BID: variants seen among roughly 807,000 people sequenced by gnomAD.
The protein encoded by BID is BH3-interacting domain death agonist.
Under a neutral mutation model 17.4 loss-of-function variants are expected in BID, and 19 were observed. The observed-to-expected ratio is 1.09, with a 90% CI of 0.76 to 1.60. The LOEUF (loss-of-function observed/expected upper bound fraction) is 1.60, where lower values mean the gene tolerates loss of function less well. Among genes scored for constraint, BID ranks in the 40% most tolerant of loss-of-function variants. The pLI, the probability that BID is intolerant of heterozygous loss-of-function variation, is 0.00. For synonymous variants in BID, 108 were observed against 102.8 expected, an observed-to-expected ratio of 1.05 and a Z score of -0.31; for missense variants, 226 against 256.0, an observed-to-expected ratio of 0.88 and a Z score of 0.80.
At chr22:17,753,051 C>G (rs2145896041) in intron 1 of BID, among the ~76,000 whole-genome samples, 1 of 146,266 alleles carries the variant, frequency 6.8e-6, no homozygotes, top group South Asian at 2.2e-4. Context: ...ACTGCAAGCT[C>G]CGCCTCCCGG....
Position 17,735,465 on chromosome 22 carries a change from A to G in BID, c.*115T>C. The G allele has an allele frequency of 8.1e-7, 1 of 1,227,502 alleles. No individual in the cohort carries two copies. Among genetic ancestry groups the G allele is most frequent in the Non-Finnish European group, 1.2e-6 (1 of 841,730 alleles). 76.0% of individuals were successfully genotyped at this position (1,227,502 alleles called of 1,614,324 possible). Reference sequence around the variant, plus strand: ...AAAATAGAAGTCACAGCTATCTTCCAGCCTGTCTTCTCTAGGAACGCTGTT... The same window carrying G: ...AAAATAGAAGTCACAGCTATCTTCCGGCCTGTCTTCTCTAGGAACGCTGTT... On this transcript the variant is annotated 3_prime_UTR_variant, in exon 6 of 6. Coordinates refer to ENST00000622694, the MANE Select transcript of BID (RefSeq NM_001196.4).
intron 1 of BID, 54 bp from the exon 2 acceptor site, chr22:17,750,228 C>T (rs745760089): frequency 7.1e-5 from 107 of 1,516,250 alleles, no homozygotes; most frequent in Non-Finnish European, 9.4e-5. Context: ...CTGGTCAGGA[C>T]CCCTCGGGAG....
chr22:17,735,458 A>G lies in BID; in HGVS notation c.*122T>C, dbSNP rs186394629. 149 of 1,110,874 alleles carry G rather than the reference A, an allele frequency of 1.3e-4. No individual in the cohort carries two copies. Among genetic ancestry groups the G allele is most frequent in the Middle Eastern group, 4.0e-4 (2 of 5,034 alleles). 68.8% of individuals were successfully genotyped at this position (1,110,874 alleles called of 1,614,324 possible). A position where few individuals can be genotyped will look rare whatever the true frequency, so the allele number is the denominator to read the frequency against. ...TGTCTTTAAAATAGAAGTCACAGCT[A>G]TCTTCCAGCCTGTCTTCTCTAGGAA... On this transcript the variant is annotated 3_prime_UTR_variant, in exon 6 of 6. Transcript: ENST00000622694.
intron 1 of BID, among the ~76,000 whole-genome samples, chr22:17,758,692 G>A (rs556777477): frequency 2.0e-5 from 3 of 152,326 alleles, no homozygotes; most frequent in East Asian, 3.9e-4. Context: ...GGGGTGCCCA[G>A]AGTAGTCAAC....
intron 1 of BID, among the ~76,000 whole-genome samples, chr22:17,761,137 GTGAA>G (rs1260623516): frequency 6.6e-6 from 1 of 152,110 alleles, no homozygotes; most frequent in Non-Finnish European, 1.5e-5. Context: ...TTTTTATAAG[GTGAA>G]TGATCAAATC....
intron 1 of BID, among the ~76,000 whole-genome samples, chr22:17,751,885 C>T (rs2061542692): frequency 6.6e-6 from 1 of 152,206 alleles, no homozygotes; most frequent in African/African-American, 2.4e-5. Flanking sequence ...GGGGAGTCTG[C>T]ACCCACAAGA....
intron 1 of BID, among the ~76,000 whole-genome samples, chr22:17,754,536 GC>G (rs1362309771): frequency 2.0e-5 from 3 of 152,262 alleles, no homozygotes; most frequent in African/African-American, 7.2e-5. Flanking sequence ...CACTCTGGAA[GC>G]CAAATGTCCT....
At chr22:17,748,007 G>A (rs1422640911) in intron 2 of BID, among the ~76,000 whole-genome samples, 2 of 151,788 alleles carry the variant, frequency 1.3e-5, no homozygotes, top group Non-Finnish European at 2.9e-5. Context: ...TCAGGAGATC[G>A]AGACCATCCT....
chr22:17,757,308 G>C (rs1171042843), intron 1 of BID, among the ~76,000 whole-genome samples: 1 of 150,112 alleles, frequency 6.7e-6, no homozygotes, highest in Non-Finnish European at 1.5e-5. Context: ...CCAGCTACTG[G>C]GGAAGGATTG....
chr22:17,761,681 G>A (rs1184921092), intron 1 of BID, among the ~76,000 whole-genome samples: 1 of 152,076 alleles, frequency 6.6e-6, no homozygotes, highest in Non-Finnish European at 1.5e-5. Flanking sequence ...TGATCCACCC[G>A]CCTCGGCCTC....
intron 5 of BID, among the ~76,000 whole-genome samples, 166 bp from the exon 6 acceptor site, chr22:17,735,757 C>T (rs767335697): frequency 6.6e-6 from 1 of 152,224 alleles, no homozygotes; most frequent in African/African-American, 2.4e-5. Context: ...ATGGGGGCAA[C>T]TGCAAAAACA....
intron 3 of BID, 93 bp downstream of exon 3, chr22:17,743,710 T>G (rs2270201): frequency 0.028 from 37,870 of 1,331,424 alleles, 817 homozygotes; most frequent in East Asian, 0.096. Flanking sequence ...GGCAGAGTGA[T>G]CCCGGGGGTC....
intron 1 of BID, among the ~76,000 whole-genome samples, chr22:17,757,496 C>T (rs566935804): frequency 4.7e-5 from 7 of 150,056 alleles, no homozygotes; most frequent in Admixed American, 4.0e-4. Flanking sequence ...ATCACAAGGT[C>T]AGGAGATCCA....
In BID at chr22:17,743,819, C is replaced by T; in HGVS notation, c.207G>A (p.Leu69=). ...GCCGCCTACCTGCCTCTATTCTTCC[C>T]AAGCGGGAGTGGCTGCTGCGGTTGC... The part of the protein sequence containing the change: ...TDGNRSSHSR[L]GRIEADSESQ... Residue 69 remains leucine, a synonymous_variant, in exon 3 of 6, where the codon TTG becomes TTA. Coordinates refer to ENST00000622694, the MANE Select transcript of BID (RefSeq NM_001196.4). 6.2e-7 allele frequency: 1 copy of T among 1,612,724 alleles called. No individual in the cohort carries two copies. The highest frequency in any genetic ancestry group is 2.2e-5 in the East Asian group (1 of 44,878).
At chr22:17,770,470 G>A (rs1181229475) in intron 1 of BID, among the ~76,000 whole-genome samples, 3 of 152,132 alleles carry the variant, frequency 2.0e-5, no homozygotes, top group Non-Finnish European at 4.4e-5. Context: ...CGCCCATCCC[G>A]GACCCAGGGT....
chr22:17,740,011 A>C, intron 3 of BID: 2 of 1,497,078 alleles, frequency 1.3e-6, no homozygotes, highest in Non-Finnish European at 1.8e-6. Context: ...CTTTCCAACC[A>C]GAGCTCTCCC....
chr22:17,764,488 G>T (rs1466400012), intron 1 of BID, among the ~76,000 whole-genome samples: 3 of 152,234 alleles, frequency 2.0e-5, no homozygotes, highest in African/African-American at 7.2e-5. Flanking sequence ...AAAAGGTCAA[G>T]GTTAGGTTAA....
intron 4 of BID, among the ~76,000 whole-genome samples, chr22:17,738,554 C>T (rs2061436276): frequency 6.6e-6 from 1 of 152,124 alleles, no homozygotes; most frequent in African/African-American, 2.4e-5. Flanking sequence ...ACGCCTTAGG[C>T]CCATTTTATT....
intron 2 of BID, among the ~76,000 whole-genome samples, chr22:17,749,433 G>A (rs2061520385): frequency 6.6e-6 from 1 of 152,166 alleles, no homozygotes; most frequent in African/African-American, 2.4e-5. Flanking sequence ...TCTCGCTTCT[G>A]CCTCCCAAGT....
Sources: gnomAD v4.1 joint callset for allele counts (sites outside exome capture counted in the v4.1 genomes callset) on GRCh38, gnomAD v4.1.1 for gene constraint, MANE v1.5 for transcripts, NCBI Gene and HGNC (gene_info 2026-07-23, HGNC 2026-07-21) for gene names.